Variants in TTLL9 observed in about 807,000 individuals in gnomAD.
TTLL9 encodes the protein tubulin tyrosine ligase like 9, also known as probable tubulin polyglutamylase TTLL9.
TTLL9 carries 47 observed loss-of-function variants against 65.6 expected under a neutral mutation model. That is an observed-to-expected ratio of 0.72 (90% confidence interval 0.57 to 0.91). The LOEUF (loss-of-function observed/expected upper bound fraction) is 0.91. TTLL9 is among the 40% of genes least tolerant of loss of function. The pLI is 0.00. For synonymous variants in TTLL9, 179 were observed against 204.8 expected (o/e 0.87, Z 1.07); for missense variants, 537 against 568.8 (o/e 0.94, Z 0.57).
Position 31,878,924 on chromosome 20 carries a change from T to C in TTLL9, c.69+7729T>C, listed in dbSNP as rs528637477. Among the ~76,000 whole-genome samples the C allele has an allele frequency of 2.9e-4, 44 of 152,302 alleles. No homozygotes were observed. In the South Asian group the frequency reaches 8.5e-3, roughly 29 times the overall value. On this transcript the variant is annotated intron_variant, in intron 2 of 14. Transcript: ENST00000535842. ...TTTCAGTTTAGTCAATTTTGACAAA[T>C]GCATATACTCATGTAACCCACATCT...
intron 3 of TTLL9, among the ~76,000 whole-genome samples, chr20:31,891,884 T>C (rs748967464): frequency 8.7e-5 from 13 of 149,738 alleles, no homozygotes; most frequent in Non-Finnish European, 1.2e-4. Flanking sequence ...CTCACTGCAA[T>C]CTCCGTCTCT....
At chr20:31,941,836 G>C (rs2064216203) in intron 14 of TTLL9, among the ~76,000 whole-genome samples, 1 of 152,188 alleles carries the variant, frequency 6.6e-6, no homozygotes, top group African/African-American at 2.4e-5. Context: ...CCTGTTTCAA[G>C]TGTTTGGGTT....
At chr20:31,935,683 C>T (rs555433223) in intron 12 of TTLL9, among the ~76,000 whole-genome samples, 25 of 152,296 alleles carry the variant, frequency 1.6e-4, no homozygotes, top group African/African-American at 5.1e-4. Context: ...TTAAGGTGGA[C>T]GTGGTGGAGG....
chr20:31,875,007 A>G (rs1286606560), intron 2 of TTLL9, among the ~76,000 whole-genome samples: 1 of 152,206 alleles, frequency 6.6e-6, no homozygotes, highest in African/African-American at 2.4e-5. Context: ...CTCTGACCTC[A>G]AGAACTCTAA....
At chr20:31,879,805 TGTCG>T (rs140872314) in intron 2 of TTLL9, 1 of 1,547,136 alleles carries the variant, frequency 6.5e-7, no homozygotes, top group African/African-American at 1.4e-5. Flanking sequence ...GGCGCCTGTC[TGTCG>T]CCTTGGCAAC....
At chr20:31,916,788 G>A (rs548710156) in intron 6 of TTLL9, among the ~76,000 whole-genome samples, 1 of 152,180 alleles carries the variant, frequency 6.6e-6, no homozygotes, top group Non-Finnish European at 1.5e-5. Flanking sequence ...ATTTCTTCCC[G>A]ATCCCCTTTC....
At chr20:31,878,524 A>G (rs1428363741) in intron 2 of TTLL9, among the ~76,000 whole-genome samples, 2 of 152,274 alleles carry the variant, frequency 1.3e-5, no homozygotes, top group African/African-American at 4.8e-5. Flanking sequence ...AACAGCATCC[A>G]GTACTATTTG....
At chr20:31,928,048 CT>C (rs11339322) in intron 10 of TTLL9, among the ~76,000 whole-genome samples, 36,552 of 146,174 alleles carry the variant, frequency 0.25, 4,505 homozygotes, top group East Asian at 0.35. Flanking sequence ...TTGCCACCTA[CT>C]TTTTTTTTTT....
At chr20:31,886,812 C>G (rs1255040832) in intron 2 of TTLL9, among the ~76,000 whole-genome samples, 1 of 152,120 alleles carries the variant, frequency 6.6e-6, no homozygotes, top group African/African-American at 2.4e-5. Flanking sequence ...GAGCGAGACT[C>G]CATCTCAACA....
intron 3 of TTLL9, among the ~76,000 whole-genome samples, chr20:31,889,996 TTCTTTCTTTC>T (rs2063267851): frequency 7.4e-6 from 1 of 135,964 alleles, no homozygotes; most frequent in Non-Finnish European, 1.5e-5. Context: ...CTTTCTTTCT[TTCTTTCTTTC>T]TTTCTTTCTT....
At chr20:31,923,111 A>G (rs2063837707) in intron 8 of TTLL9, 58 bp downstream of exon 8, 9 of 1,403,488 alleles carry the variant, frequency 6.4e-6, no homozygotes, top group Non-Finnish European at 9.1e-6. Context: ...ACAGTCAGTC[A>G]ACAAGCTTTG....
intron 10 of TTLL9, among the ~76,000 whole-genome samples, chr20:31,930,210 A>G (rs1311177134): frequency 6.6e-6 from 1 of 152,046 alleles, no homozygotes; most frequent in Admixed American, 6.6e-5. Context: ...CCTGGGGACA[A>G]TTGTTTTAAA....
chr20:31,909,384 C>T (rs373646341), intron 5 of TTLL9, among the ~76,000 whole-genome samples: 2 of 152,058 alleles, frequency 1.3e-5, no homozygotes, highest in African/African-American at 4.8e-5. Context: ...CCTTGTGATC[C>T]GCCCACCTTG....
At chr20:31,932,799 T>C (rs967511410) in intron 10 of TTLL9, among the ~76,000 whole-genome samples, 5 of 151,752 alleles carry the variant, frequency 3.3e-5, no homozygotes, top group African/African-American at 9.7e-5. Context: ...GAGTTTGAGA[T>C]TGGCCTGGCC....
rs912138301 is a variant in TTLL9 at position 31,943,347 on chromosome 20, G to C, written c.*326G>C. On this transcript the variant is annotated 3_prime_UTR_variant, in exon 15 of 15. Coordinates refer to ENST00000535842, the MANE Select transcript of TTLL9 (RefSeq NM_001008409.5). ...CCAGGAGATCATATCTAATAAATGA[G>C]CACAGGCCCTACTTGGAGTCACTGG... 26 of 388,090 alleles carry C rather than the reference G, an allele frequency of 6.7e-5. No homozygotes were observed. Among genetic ancestry groups the C allele is most frequent in the Non-Finnish European group, 2.9e-5 (6 of 204,658 alleles). The allele number at this position is 388,090 out of a possible 1,614,324, so 24.0% of individuals were successfully genotyped here. A position where few individuals can be genotyped will look rare whatever the true frequency, so the allele number is the denominator to read the frequency against.
chr20:31,920,523 G>C (rs1361442427), intron 7 of TTLL9: 1 of 152,812 alleles, frequency 6.5e-6, no homozygotes, highest in African/African-American at 2.4e-5. Flanking sequence ...AACCTGAGCG[G>C]TGACGATGGT....
At chr20:31,920,037 C>CTCTGCCCACAGG in intron 7 of TTLL9, 105 bp downstream of exon 7, 3 of 1,082,326 alleles carry the variant, frequency 2.8e-6, no homozygotes. Flanking sequence ...GGCAGAGAAA[C>CTCTGCCCACAGG]TCTGCCCACA....
At chr20:31,890,602 A>G (rs1194388939) in intron 3 of TTLL9, among the ~76,000 whole-genome samples, 1 of 152,170 alleles carries the variant, frequency 6.6e-6, no homozygotes, top group East Asian at 1.9e-4. Flanking sequence ...CTGACAGGGA[A>G]GTGGGGAAAT....
intron 4 of TTLL9, among the ~76,000 whole-genome samples, chr20:31,901,672 G>A (rs2063482177): frequency 6.6e-6 from 1 of 152,046 alleles, no homozygotes; most frequent in South Asian, 2.1e-4. Context: ...CCAACCTCAG[G>A]GCCCCAGTCC....
Sources: allele counts gnomAD v4.1 joint callset (sites outside exome capture counted in the v4.1 genomes callset), GRCh38; gene constraint gnomAD v4.1.1; transcripts MANE v1.5; gene names NCBI Gene and HGNC (gene_info 2026-07-23, HGNC 2026-07-21).